Variants in CLASP2 observed in about 807,000 individuals in gnomAD.
The protein encoded by CLASP2 is cytoplasmic linker associated protein 2.
Under a neutral mutation model 194.4 loss-of-function variants are expected in CLASP2, and 47 were observed. That is an observed-to-expected ratio of 0.24 (90% confidence interval 0.19 to 0.31). CLASP2 has a LOEUF of 0.31. Among genes scored for constraint, CLASP2 ranks in the 10% least tolerant of loss-of-function variants. CLASP2 has a pLI of 1.00. For synonymous variants in CLASP2, 619 were observed against 633.5 expected (o/e 0.98, Z 0.34); for missense variants, 1,445 against 1,823.6 (o/e 0.79, Z 3.78).
intron 21 of CLASP2, chr3:33,592,083 A>G: frequency 1.6e-6 from 1 of 629,502 alleles, no homozygotes; most frequent in East Asian, 2.7e-5. Context: ...TGTATGGCAA[A>G]TGAAGTTTTT....
intron 22 of CLASP2, 44 bp from the exon 23 acceptor site, chr3:33,581,972 G>A (rs756441240): frequency 2.9e-6 from 4 of 1,380,450 alleles, no homozygotes; most frequent in Non-Finnish European, 2.1e-6. Context: ...GGAGAAAACA[G>A]AACAGAGTTT....
intron 26 of CLASP2, among the ~76,000 whole-genome samples, chr3:33,568,671 G>T (rs961885553): frequency 6.6e-6 from 1 of 151,710 alleles, no homozygotes; most frequent in Non-Finnish European, 1.5e-5. Flanking sequence ...CCTGTTAAGG[G>T]TGCCTTCATG....
At chr3:33,570,278 G>A (rs1481110734) in intron 26 of CLASP2, among the ~76,000 whole-genome samples, 3 of 152,078 alleles carry the variant, frequency 2.0e-5, no homozygotes. Flanking sequence ...AACTATGGCT[G>A]GAACCACATT....
At chr3:33,604,990 T>C (rs1017669852) in intron 16 of CLASP2, among the ~76,000 whole-genome samples, 1 of 152,250 alleles carries the variant, frequency 6.6e-6, no homozygotes, top group African/African-American at 2.4e-5. Flanking sequence ...CATCACATTA[T>C]TTTTATAAGT....
At chr3:33,563,049 A>C (rs1162543282) in intron 27 of CLASP2, among the ~76,000 whole-genome samples, 1 of 152,106 alleles carries the variant, frequency 6.6e-6, no homozygotes. Context: ...TTTATGGCTA[A>C]TCTTTCTACT....
At chr3:33,641,944 A>G (rs367823822) in intron 8 of CLASP2, among the ~76,000 whole-genome samples, 80 of 152,134 alleles carry the variant, frequency 5.3e-4, no homozygotes, top group African/African-American at 1.9e-3. Context: ...CCACCATTCA[A>G]TGTAAAATCA....
At chr3:33,498,968 A>C (rs2046198733) in intron 38 of CLASP2, among the ~76,000 whole-genome samples, 6 of 152,148 alleles carry the variant, frequency 3.9e-5, no homozygotes, top group Admixed American at 3.9e-4. Flanking sequence ...AGAGTATTTT[A>C]TCATGTCTTT....
intron 37 of CLASP2, 65 bp downstream of exon 37, chr3:33,510,493 A>G (rs1437790426): frequency 2.3e-5 from 34 of 1,456,300 alleles, no homozygotes; most frequent in Non-Finnish European, 3.3e-5. Flanking sequence ...ATGCCTGGAA[A>G]GTACCTAAAA....
chr3:33,673,266 GAA>G (rs2087754621), intron 6 of CLASP2, among the ~76,000 whole-genome samples: 1 of 152,232 alleles, frequency 6.6e-6, no homozygotes, highest in South Asian at 2.1e-4. Flanking sequence ...CTACAAGCCA[GAA>G]GAGAGTGGGG....
Position 33,717,870 on chromosome 3 carries a change from G to C in CLASP2, c.133C>G (p.Leu45Val), listed in dbSNP as rs768750132. ...TCGACTGTCTTGCCTAGGCGGCCCA[G>C]GTCCTCCTCCAGGTCCGAGATGGCG... Reference protein sequence around the residue: ...PGAISDLEEDLGRLGKTVDAL... With the variant: ...PGAISDLEEDVGRLGKTVDAL... Residue 45 changes from leucine to valine, a missense_variant, in exon 1 of 39, where the codon CTG becomes GTG. Physicochemically the swap from Leu to Val is conservative, Grantham distance 32. Coordinates refer to ENST00000682230, the MANE Select transcript of CLASP2 (RefSeq NM_001365631.1). 1.9e-6 allele frequency: 3 copies of C among 1,563,502 alleles called. No individual in the cohort carries two copies. Among genetic ancestry groups the C allele is most frequent in the South Asian group, 1.2e-5 (1 of 84,970 alleles).
At position 33,687,151 on chromosome 3, in the gene CLASP2, GA is replaced by G. The variant is rs750315551; in HGVS notation, c.471-17del. On this transcript the variant is annotated splice_polypyrimidine_tract_variant and intron_variant, in intron 4 of 38. Coordinates refer to ENST00000682230, the MANE Select transcript of CLASP2 (RefSeq NM_001365631.1). ...AGCCCCAAAACTAAATATAATTTGA[GA>G]AAAAAATAAAGAAAATTTGTTTTTA... 2 of 1,517,000 alleles carry G rather than the reference GA, an allele frequency of 1.3e-6. No individual in the cohort carries two copies. Among genetic ancestry groups the G allele is most frequent in the South Asian group, 1.2e-5 (1 of 80,264 alleles). The allele number at this position is 1,517,000 out of a possible 1,614,324, so 94.0% of individuals were successfully genotyped here.
rs1219396742 is a variant in CLASP2 at position 33,516,133 on chromosome 3, C to T, written c.4000G>A (p.Ala1334Thr). 2.5e-6 allele frequency: 4 copies of T among 1,607,804 alleles called. No individual in the cohort carries two copies. The highest frequency in any genetic ancestry group is 3.4e-6 in the Non-Finnish European group (4 of 1,177,224). ...AGGATTTCTCTTAAAACCTTTAATG[C>T]CAAAGCCCTGATTGTAGGCTAAGAA... ...GDKEPTIRAL[A>T]LKVLREILRH... Residue 1334 changes from alanine to threonine, a missense_variant, in exon 36 of 39, where the codon GCA (alanine) becomes ACA (threonine). Transcript: ENST00000682230.
chr3:33,701,999 C>G (rs984087024), intron 1 of CLASP2, among the ~76,000 whole-genome samples: 3 of 151,948 alleles, frequency 2.0e-5, no homozygotes, highest in Admixed American at 2.0e-4. Context: ...ATTGATAAAG[C>G]AGACTTCACT....
At chr3:33,555,881 T>C (rs1210664278) in intron 29 of CLASP2, among the ~76,000 whole-genome samples, 1 of 152,214 alleles carries the variant, frequency 6.6e-6, no homozygotes, top group East Asian at 1.9e-4. Context: ...TTTCACAGAA[T>C]GTATGTGTTT....
chr3:33,595,868 A>G (rs1332924190), intron 19 of CLASP2, among the ~76,000 whole-genome samples: 1 of 152,070 alleles, frequency 6.6e-6, no homozygotes, highest in East Asian at 1.9e-4. Context: ...ACACTAATAT[A>G]ACTAGCAGTC....
chr3:33,539,732 T>C (rs1327301899), intron 32 of CLASP2, among the ~76,000 whole-genome samples: 1 of 152,150 alleles, frequency 6.6e-6, no homozygotes, highest in African/African-American at 2.4e-5. Flanking sequence ...TTTCATACAA[T>C]AGCAGAGTTG....
At chr3:33,562,991 C>CTGTA (rs1184351632) in intron 27 of CLASP2, among the ~76,000 whole-genome samples, 2 of 152,094 alleles carry the variant, frequency 1.3e-5, no homozygotes, top group Non-Finnish European at 2.9e-5. Context: ...TTGATTTCCT[C>CTGTA]TATACCTATC....
At chr3:33,568,069 C>T (rs1199584142) in intron 26 of CLASP2, among the ~76,000 whole-genome samples, 1 of 152,144 alleles carries the variant, frequency 6.6e-6, no homozygotes, top group Non-Finnish European at 1.5e-5. Context: ...AAATTACAGA[C>T]ATCAAATAAT....
chr3:33,562,606 G>T (rs2061976827), intron 27 of CLASP2, among the ~76,000 whole-genome samples: 1 of 152,132 alleles, frequency 6.6e-6, no homozygotes, highest in Non-Finnish European at 1.5e-5. Context: ...ACATATCAGA[G>T]CTTCCTGCCT....
Sources: allele counts gnomAD v4.1 joint callset (sites outside exome capture counted in the v4.1 genomes callset), GRCh38; gene constraint gnomAD v4.1.1; transcripts MANE v1.5; gene names NCBI Gene and HGNC (gene_info 2026-07-23, HGNC 2026-07-21).